The following CFC1B variants were observed in gnomAD, a reference collection of about 807,000 sequenced individuals.
CFC1B encodes the protein cryptic family protein 1B.
chr2:130,525,170 C>A (rs1304104906), intron 5 of CFC1B, among the ~76,000 whole-genome samples: 1 of 4,964 alleles, frequency 2.0e-4, no homozygotes, highest in African/African-American at 2.2e-4. Context: ...AGGCACCTGC[C>A]ACCACGCCCA....
intron 5 of CFC1B, chr2:130,526,678 G>T (rs867326661): frequency 8.2e-4 from 4 of 4,890 alleles, no homozygotes; most frequent in African/African-American, 8.8e-4. Flanking sequence ...CCAGTTTCAT[G>T]CTCATGCCAG....
chr2:130,526,443 G>A (rs1268768880), intron 5 of CFC1B, among the ~76,000 whole-genome samples: 39 of 22,674 alleles, frequency 1.7e-3, no homozygotes, highest in Admixed American at 0.012. Flanking sequence ...GCCTGTCTTA[G>A]CACCAGCTTC....
intron 5 of CFC1B, among the ~76,000 whole-genome samples, chr2:130,526,070 T>C (rs1684394007): frequency 8.5e-5 from 1 of 11,798 alleles, no homozygotes; most frequent in African/African-American, 9.0e-5. Flanking sequence ...ATTCAGAGTC[T>C]GTGGAATGAC....
chr2:130,525,564 G>T (rs1295789873), intron 5 of CFC1B, among the ~76,000 whole-genome samples: 57 of 16,638 alleles, frequency 3.4e-3, no homozygotes, highest in Non-Finnish European at 8.8e-3. Context: ...CTTGAGCCTA[G>T]GAGTGTGAGG....
At position 130,528,465 on chromosome 2, in the gene CFC1B, G is replaced by C. The variant is rs1229376654; in HGVS notation, c.*570G>C. ...TAAATCCACTGTAGTTCATGAGCCTGTGTGACACAATTACTTTTACATTTT... is the reference window on the plus strand; with the variant it reads ...TAAATCCACTGTAGTTCATGAGCCTCTGTGACACAATTACTTTTACATTTT... On this transcript the variant is annotated 3_prime_UTR_variant, in exon 6 of 6. Coordinates refer to ENST00000281882, the MANE Select transcript of CFC1B (RefSeq NM_001079530.2). The C allele has an allele frequency of 1.7e-4, 4 of 23,958 alleles. No individual in the cohort carries two copies. Among genetic ancestry groups the C allele is most frequent in the African/African-American group, 2.5e-4 (4 of 16,290 alleles). The allele number at this position is 23,958 out of a possible 1,614,324, so 1.5% of individuals were successfully genotyped here.
intron 5 of CFC1B, among the ~76,000 whole-genome samples, chr2:130,523,711 T>TTC (rs1684381153): frequency 4.7e-5 from 1 of 21,442 alleles, no homozygotes; most frequent in African/African-American, 5.2e-5. Flanking sequence ...ATCCTGTGCC[T>TTC]TCTCTCCTCT....
At chr2:130,522,280 TA>T (rs1684375609) in intron 3 of CFC1B, 150 bp downstream of exon 3, 1 of 94,866 alleles carries the variant, frequency 1.1e-5, no homozygotes, top group Non-Finnish European at 2.4e-5. Context: ...TACAAAGCTA[TA>T]AAGCTAGAGA....
intron 5 of CFC1B, among the ~76,000 whole-genome samples, chr2:130,525,983 G>GT (rs1684393707): frequency 4.3e-5 from 1 of 23,112 alleles, no homozygotes; most frequent in African/African-American, 4.7e-5. Flanking sequence ...GTCTAAGGGG[G>GT]TGGTTCTTTC....
At chr2:130,524,249 T>TC (rs1240404463) in intron 5 of CFC1B, among the ~76,000 whole-genome samples, 28 of 40,364 alleles carry the variant, frequency 6.9e-4, no homozygotes, top group African/African-American at 1.5e-3. Context: ...GGAAGAGCAC[T>TC]CCCCCCCTGC....
chr2:130,524,932 T>G (rs1684388490), intron 5 of CFC1B, among the ~76,000 whole-genome samples: 1 of 4,190 alleles, frequency 2.4e-4, no homozygotes, highest in African/African-American at 2.6e-4. Context: ...TAGGTACACC[T>G]TTTACATTTG....
At chr2:130,525,058 G>A (rs1684389181) in intron 5 of CFC1B, among the ~76,000 whole-genome samples, 1 of 5,804 alleles carries the variant, frequency 1.7e-4, no homozygotes, top group African/African-American at 1.9e-4. Flanking sequence ...TCACTCTGTC[G>A]CCCGGGCTGG....
chr2:130,525,639 TA>T (rs1184460803), intron 5 of CFC1B, among the ~76,000 whole-genome samples: 2 of 17,898 alleles, frequency 1.1e-4, no homozygotes, highest in African/African-American at 1.2e-4. Context: ...CCCTGTCTCT[TA>T]AAAAGAAAAG....
At chr2:130,524,181 CA>C (rs1351145938) in intron 5 of CFC1B, among the ~76,000 whole-genome samples, 2 of 31,494 alleles carry the variant, frequency 6.4e-5, no homozygotes, top group African/African-American at 1.3e-4. Context: ...GCACAGCCCC[CA>C]ACCCCACTTC....
chr2:130,522,210 G>T (rs1251711298), intron 3 of CFC1B, 80 bp downstream of exon 3: 1 of 33,172 alleles, frequency 3.0e-5, no homozygotes, highest in African/African-American at 4.5e-5. Flanking sequence ...AGAATATGTA[G>T]GATAAATTCA....
intron 5 of CFC1B, chr2:130,526,471 G>A (rs1684399581): frequency 4.0e-5 from 1 of 25,212 alleles, no homozygotes; most frequent in African/African-American, 5.5e-5. Context: ...CCTCGTCTGA[G>A]CCTAGACGTT....
chr2:130,525,898 C>G lies in CFC1B; in HGVS notation c.473-1798C>G, dbSNP rs182906925. Among the ~76,000 whole-genome samples the G allele has an allele frequency of 8.2e-3, 218 of 26,740 alleles. 34 individuals carry two copies. The highest frequency in any genetic ancestry group is 0.11 in the Middle Eastern group (2 of 18). 17.5% of individuals were successfully genotyped at this position (26,740 alleles called of 152,430 possible). A position where few individuals can be genotyped will look rare whatever the true frequency, so the allele number is the denominator to read the frequency against. ...CCTCCTTGCTCTGACTGATGCTCTGCGGGTCCAAGAATGAAAAGCTTCCAT... is the reference window on the plus strand; with the variant it reads ...CCTCCTTGCTCTGACTGATGCTCTGGGGGTCCAAGAATGAAAAGCTTCCAT... On this transcript the variant is annotated intron_variant, in intron 5 of 5. Coordinates refer to ENST00000281882, the MANE Select transcript of CFC1B (RefSeq NM_001079530.2).
intron 5 of CFC1B, among the ~76,000 whole-genome samples, chr2:130,525,677 AT>A (rs1194844060): frequency 5.2e-5 from 1 of 19,210 alleles, no homozygotes; most frequent in African/African-American, 5.6e-5. Context: ...ACAAATGAAG[AT>A]TTTTTTATAG....
rs758685310 is a variant in CFC1B at position 130,522,124 on chromosome 2, G to C, written c.241G>C (p.Gly81Arg). The C allele has an allele frequency of 4.4e-4, 6 of 13,616 alleles. No individual in the cohort carries two copies. The highest frequency in any genetic ancestry group is 4.3e-4 in the African/African-American group (5 of 11,672). 0.8% of individuals were successfully genotyped at this position (13,616 alleles called of 1,614,324 possible). ...GCCGCTCCCATACTCCTGGGCTTTC[G>C]GAGAGGGTAAGTTGCAGCGCTGCCC... ...EEPLPYSWAF[G>R]EGASARPRCC... The change falls in exon 3 of 6, where the codon GGA (glycine) becomes CGA (arginine). Residue 81 changes from glycine (G) to arginine (R), a missense_variant. Transcript: ENST00000281882.
intron 5 of CFC1B, among the ~76,000 whole-genome samples, chr2:130,525,787 G>A (rs1212791585): frequency 2.6e-4 from 6 of 22,868 alleles, no homozygotes; most frequent in African/African-American, 2.8e-4. Flanking sequence ...GATTATGATG[G>A]TTTTGAAGAG....
Sources: allele counts gnomAD v4.1 joint callset (sites outside exome capture counted in the v4.1 genomes callset), GRCh38; gene constraint gnomAD v4.1.1; transcripts MANE v1.5; gene names NCBI Gene and HGNC (gene_info 2026-07-23, HGNC 2026-07-21).